The following CREBRF variants were observed in gnomAD, a reference collection of about 807,000 sequenced individuals.
CREBRF encodes UPF0474 protein C5orf41.
Under a neutral mutation model 66.1 loss-of-function variants are expected in CREBRF, and 5 were observed. That is an observed-to-expected ratio of 0.08 (90% CI 0.04 to 0.16). CREBRF has a LOEUF of 0.16. Among genes scored for constraint, CREBRF ranks in the 10% least tolerant of loss-of-function variants. The pLI is 1.00. For synonymous variants in CREBRF, 229 were observed against 264.4 expected (o/e 0.87, Z 1.30); for missense variants, 531 against 744.9 (o/e 0.71, Z 3.34).
At position 173,128,539 on chromosome 5, in the gene CREBRF, T is replaced by G. The variant is rs950811292; in HGVS notation, c.1805-5091T>G. Among the ~76,000 whole-genome samples, 6 of 151,974 alleles carry G rather than the reference T, an allele frequency of 3.9e-5. No individual in the cohort carries two copies. The East Asian group carries it at 7.7e-4, about 19-fold the overall frequency. ...TAATGTATTTCAGTTTCATCTCATATTTTCTGTGTTTTTGCTTCTGAATGT... is the reference window on the plus strand; with the variant it reads ...TAATGTATTTCAGTTTCATCTCATAGTTTCTGTGTTTTTGCTTCTGAATGT... On this transcript the variant is annotated intron_variant, in intron 8 of 8. Transcript: ENST00000296953.
intron 2 of CREBRF, among the ~76,000 whole-genome samples, chr5:173,082,615 A>C (rs1757990830): frequency 1.3e-5 from 2 of 151,638 alleles, no homozygotes; most frequent in Non-Finnish European, 2.9e-5. Context: ...ACTAAAAAAG[A>C]GAAATTTTTG....
intron 1 of CREBRF, among the ~76,000 whole-genome samples, chr5:173,073,769 C>T (rs941715708): frequency 6.6e-6 from 1 of 151,596 alleles, no homozygotes; most frequent in African/African-American, 2.4e-5. Context: ...AGATCGAGAC[C>T]ATCCTGGCTA....
At position 173,137,425 on chromosome 5, in the gene CREBRF, C is replaced by T. The variant is rs1176037022; in HGVS notation, c.*3680C>T. 1 of 152,048 alleles carries T rather than the reference C, an allele frequency of 6.6e-6. No homozygotes were observed. The highest frequency in any genetic ancestry group is 1.5e-5 in the Non-Finnish European group (1 of 67,924). The allele number at this position is 152,048 out of a possible 1,614,324, so 9.4% of individuals were successfully genotyped here. ...GGGGGAAAGATTAGCAGTAATTTCA[C>T]TACATCCCTTTTCTCTGACTTTCAT... On this transcript the variant is annotated 3_prime_UTR_variant, in exon 9 of 9. Transcript: ENST00000296953.
chr5:173,104,860 T>C (rs251234), intron 4 of CREBRF, among the ~76,000 whole-genome samples: 73,975 of 151,982 alleles, frequency 0.49, 19,147 homozygotes, highest in Non-Finnish European at 0.58. Flanking sequence ...AAAGGCTGGA[T>C]GCCTATAGGT....
chr5:173,075,614 C>T (rs975600135), intron 1 of CREBRF, among the ~76,000 whole-genome samples: 1 of 152,058 alleles, frequency 6.6e-6, no homozygotes, highest in African/African-American at 2.4e-5. Flanking sequence ...GAGCTTGGGC[C>T]ATCTGATAAG....
intron 1 of CREBRF, among the ~76,000 whole-genome samples, chr5:173,074,242 A>C (rs1261438534): frequency 3.3e-5 from 5 of 150,814 alleles, no homozygotes; most frequent in South Asian, 4.2e-4. Flanking sequence ...TGGAGGTTGC[A>C]GTGAGCTGAG....
At chr5:173,100,131 A>ATATATATT (rs1554125245) in intron 4 of CREBRF, among the ~76,000 whole-genome samples, 1 of 42,862 alleles carries the variant, frequency 2.3e-5, no homozygotes, top group African/African-American at 9.6e-5. Context: ...TATATATATA[A>ATATATATT]TTTTTTTTTT....
intron 1 of CREBRF, among the ~76,000 whole-genome samples, chr5:173,070,328 T>G (rs1356652577): frequency 6.6e-6 from 1 of 152,180 alleles, no homozygotes; most frequent in Non-Finnish European, 1.5e-5. Context: ...CACCACTGCC[T>G]GTTTTTATGC....
chr5:173,073,598 C>T (rs1757658586), intron 1 of CREBRF, among the ~76,000 whole-genome samples: 1 of 152,200 alleles, frequency 6.6e-6, no homozygotes, highest in Non-Finnish European at 1.5e-5. Flanking sequence ...CCTCCAATAC[C>T]TTGCAATTGA....
At chr5:173,070,255 AGTGTGTGAAGAAT>A (rs539445981) in intron 1 of CREBRF, among the ~76,000 whole-genome samples, 32 of 152,122 alleles carry the variant, frequency 2.1e-4, no homozygotes, top group Non-Finnish European at 3.4e-4. Flanking sequence ...AAGTTGTTAC[AGTGTGTGAAGAAT>A]GTGTGGTGTC....
rs1233862130 is a variant in CREBRF at position 173,123,071 on chromosome 5, G to A, written c.1682-9G>A. ...TGACATATTCCAAGTGTTTTGTTCT[G>A]TCTTACAGATAATTTATTGTTTGTA... On this transcript the variant is annotated splice_polypyrimidine_tract_variant and intron_variant, in intron 7 of 8. Coordinates refer to ENST00000296953, the MANE Select transcript of CREBRF (RefSeq NM_153607.3). 3 of 1,585,892 alleles carry A rather than the reference G, an allele frequency of 1.9e-6. No homozygotes were observed. Among genetic ancestry groups the A allele is most frequent in the Non-Finnish European group, 2.6e-6 (3 of 1,172,412 alleles).
intron 1 of CREBRF, among the ~76,000 whole-genome samples, chr5:173,069,682 A>G (rs898652789): frequency 5.9e-5 from 9 of 152,054 alleles, no homozygotes; most frequent in African/African-American, 1.9e-4. Context: ...GTTCCTCATA[A>G]AGCAAGCTTT....
intron 1 of CREBRF, among the ~76,000 whole-genome samples, chr5:173,079,313 A>T (rs572849644): frequency 6.6e-6 from 1 of 152,180 alleles, no homozygotes; most frequent in Non-Finnish European, 1.5e-5. Flanking sequence ...ACAATGATTG[A>T]GTCCCTGGGT....
intron 4 of CREBRF, among the ~76,000 whole-genome samples, chr5:173,104,826 A>G (rs1222880308): frequency 6.6e-6 from 1 of 152,136 alleles, no homozygotes; most frequent in South Asian, 2.1e-4. Flanking sequence ...AAGAAAACTG[A>G]TGGCTTTTAA....
chr5:173,089,685 A>T (rs895960838), intron 3 of CREBRF, among the ~76,000 whole-genome samples: 5 of 151,868 alleles, frequency 3.3e-5, no homozygotes, highest in Non-Finnish European at 7.4e-5. Flanking sequence ...AAGAAAAAAA[A>T]ATCATCTCTA....
At chr5:173,109,033 G>A (rs1048091817) in intron 5 of CREBRF, 2 of 492,188 alleles carry the variant, frequency 4.1e-6, no homozygotes, top group Admixed American at 7.8e-5. Context: ...AGGAAGGACT[G>A]TGTAAACATT....
chr5:173,098,944 A>G (rs1454174614), intron 4 of CREBRF, among the ~76,000 whole-genome samples: 1 of 149,544 alleles, frequency 6.7e-6, no homozygotes, highest in Admixed American at 6.7e-5. Flanking sequence ...CACCAGTACT[A>G]TCACAGCTCA....
intron 7 of CREBRF, among the ~76,000 whole-genome samples, chr5:173,122,446 C>T (rs72816142): frequency 0.092 from 13,949 of 151,654 alleles, 776 homozygotes; most frequent in South Asian, 0.15. Context: ...CATTTGAAAT[C>T]AGTTTCTTTG....
rs1225726317 is a variant in CREBRF, at chr5:173,090,116, TTTTG to T, written c.136-191_136-188del. 1.3e-5 allele frequency among the ~76,000 whole-genome samples: 2 copies of T among 152,222 alleles called. No individual in the cohort carries two copies. Among genetic ancestry groups the T allele is most frequent in the African/African-American group, 2.4e-5 (1 of 41,442 alleles). On this transcript the variant is annotated intron_variant, in intron 3 of 8. Transcript: ENST00000296953. This position sits in a 1 kb window ranked among gnomAD's most constrained non-coding sequence, Gnocchi z 4.5. ...TTTTTAAATTTAATTTTTAATTGATTTTTGTTTGTTTTATTTTCATTCTACTTTT... is the reference window on the plus strand; with the variant it reads ...TTTTTAAATTTAATTTTTAATTGATTTTTGTTTTATTTTCATTCTACTTTT...
Sources: gnomAD v4.1 joint callset for allele counts (sites outside exome capture counted in the v4.1 genomes callset) on GRCh38, gnomAD v4.1.1 for gene constraint, Gnocchi (gnomAD v3.1) non-coding constraint, MANE v1.5 for transcripts, NCBI Gene and HGNC (gene_info 2026-07-23, HGNC 2026-07-21) for gene names.